The following OTULINL variants were observed in gnomAD, a reference collection of about 807,000 sequenced individuals.
The protein encoded by OTULINL is inactive ubiquitin thioesterase OTULINL.
In OTULINL, 42 loss-of-function variants were observed where a neutral mutation model predicts 43.9. That is an observed-to-expected ratio of 0.96 (90% CI 0.75 to 1.24). OTULINL has a LOEUF of 1.24. Among genes scored for constraint, OTULINL ranks in the 50% most tolerant of loss-of-function variants. The pLI is 0.00. For synonymous variants in OTULINL, 172 were observed against 153.6 expected (o/e 1.12, Z -0.88); for missense variants, 411 against 426.4 (o/e 0.96, Z 0.32).
chr5:14,591,453 G>A (rs553842568), intron 1 of OTULINL, among the ~76,000 whole-genome samples: 1 of 152,274 alleles, frequency 6.6e-6, no homozygotes, highest in African/African-American at 2.4e-5. Context: ...GCAGGCCCAA[G>A]GATTCCTTCT....
At position 14,613,003 on chromosome 5, in the gene OTULINL, A is replaced by C. The variant is rs1407416973; in HGVS notation, c.*2689A>C. ...AGTGGCACAATCTCGGCTCACTGCA[A>C]CCTCTACCTCCCAGGTTCAAGCGAT... On this transcript the variant is annotated 3_prime_UTR_variant, in exon 8 of 8. Transcript: ENST00000274217. Among the ~76,000 whole-genome samples the C allele has an allele frequency of 6.6e-6, 1 of 152,018 alleles. No homozygotes were observed. The highest frequency in any genetic ancestry group is 1.5e-5 in the Non-Finnish European group (1 of 68,006).
rs1410588971 is a variant in OTULINL, at chr5:14,615,626, A to G, written c.*5312A>G. ...TCTTGGTATCATTGTGGGTAAGTAGAACAAATATTTACATCTGTTATGAAA... is the reference window on the plus strand; with the variant it reads ...TCTTGGTATCATTGTGGGTAAGTAGGACAAATATTTACATCTGTTATGAAA... On this transcript the variant is annotated 3_prime_UTR_variant, in exon 8 of 8. Coordinates refer to ENST00000274217, the MANE Select transcript of OTULINL (RefSeq NM_019018.3). 6.6e-6 allele frequency among the ~76,000 whole-genome samples: 1 copy of G among 152,220 alleles called. No individual in the cohort carries two copies. The highest frequency in any genetic ancestry group is 2.4e-5 in the African/African-American group (1 of 41,456).
In OTULINL at chr5:14,610,518, C is replaced by T; in HGVS notation, c.*204C>T. ...TTCCTCTGAAGCAGCTGCACTGATA[C>T]ATTTGGGAGTTGGTGGCTTGACTTT... On this transcript the variant is annotated 3_prime_UTR_variant, in exon 8 of 8. Transcript: ENST00000274217. 4 of 514,566 alleles carry T rather than the reference C, an allele frequency of 7.8e-6. No homozygotes were observed. The South Asian group carries it at 9.2e-5, about 12-fold the overall frequency. 31.9% of individuals were successfully genotyped at this position (514,566 alleles called of 1,614,324 possible). A position where few individuals can be genotyped will look rare whatever the true frequency, so the allele number is the denominator to read the frequency against.
At chr5:14,591,931 T>C (rs1173788209) in intron 1 of OTULINL, among the ~76,000 whole-genome samples, 1 of 152,024 alleles carries the variant, frequency 6.6e-6, no homozygotes, top group Non-Finnish European at 1.5e-5. Flanking sequence ...CTTCCTGACA[T>C]GTGAAAATTA....
At chr5:14,583,695 T>G (rs1212768451) in intron 1 of OTULINL, among the ~76,000 whole-genome samples, 3 of 152,224 alleles carry the variant, frequency 2.0e-5, no homozygotes, top group Admixed American at 1.3e-4. Context: ...GGAAAACTTT[T>G]TTCTCCAAAA....
chr5:14,582,406 G>A (rs1255634698), intron 1 of OTULINL, among the ~76,000 whole-genome samples: 1 of 152,084 alleles, frequency 6.6e-6, no homozygotes, highest in Admixed American at 6.5e-5. Context: ...GACGGAGGGA[G>A]TTGCGTTTCG....
At chr5:14,594,918 C>T (rs1314334496) in intron 1 of OTULINL, among the ~76,000 whole-genome samples, 1 of 151,998 alleles carries the variant, frequency 6.6e-6, no homozygotes, top group Non-Finnish European at 1.5e-5. Context: ...TGAGTTCCTT[C>T]CTATTCCATC....
intron 5 of OTULINL, among the ~76,000 whole-genome samples, chr5:14,603,808 C>A (rs1050126662): frequency 6.6e-6 from 1 of 151,942 alleles, no homozygotes; most frequent in African/African-American, 2.4e-5. Context: ...TGATAAGTAA[C>A]CTGAGTTTTT....
rs1480499974 is a variant in OTULINL at position 14,613,288 on chromosome 5, C to T, written c.*2974C>T. On this transcript the variant is annotated 3_prime_UTR_variant, in exon 8 of 8. Transcript: ENST00000274217. ...TTGTTGTGCAACCCTCACCACCATC[C>T]ACCCTCAGAACTTTTTAAAATCTCC... Among the ~76,000 whole-genome samples the T allele has an allele frequency of 6.6e-6, 1 of 152,188 alleles. No homozygotes were observed. The highest frequency in any genetic ancestry group is 1.9e-4 in the East Asian group (1 of 5,194).
At chr5:14,601,882 G>C (rs1579924033) in intron 4 of OTULINL, among the ~76,000 whole-genome samples, 1 of 152,350 alleles carries the variant, frequency 6.6e-6, no homozygotes, top group Non-Finnish European at 1.5e-5. Flanking sequence ...AGGGTGGAGG[G>C]AGTACATATA....
rs558572881 is a variant in OTULINL, at chr5:14,582,572, G to T, written c.64+614G>T. Among the ~76,000 whole-genome samples the T allele has an allele frequency of 2.0e-4, 31 of 152,272 alleles. No individual in the cohort carries two copies. In the Middle Eastern group the frequency reaches 0.01, roughly 50 times the overall value. ...ACACTTTGGGAGGCCGAGGCTGGCG[G>T]ATCACGCGGTCAGGAGTTCGAGACC... On this transcript the variant is annotated intron_variant, in intron 1 of 7. Coordinates refer to ENST00000274217, the MANE Select transcript of OTULINL (RefSeq NM_019018.3).
At chr5:14,604,080 C>G (rs981929838) in intron 5 of OTULINL, among the ~76,000 whole-genome samples, 3 of 152,054 alleles carry the variant, frequency 2.0e-5, no homozygotes, top group African/African-American at 7.2e-5. Flanking sequence ...GCCTGTAATC[C>G]CAGCACTTTG....
intron 1 of OTULINL, among the ~76,000 whole-genome samples, chr5:14,585,365 C>T (rs1161932860): frequency 6.6e-6 from 1 of 152,056 alleles, no homozygotes; most frequent in Admixed American, 6.5e-5. Flanking sequence ...GTTTTGCCAC[C>T]CATTTGTCCT....
chr5:14,581,985 G>A, intron 1 of OTULINL, 27 bp downstream of exon 1: 2 of 1,255,364 alleles, frequency 1.6e-6, no homozygotes, highest in Non-Finnish European at 1.0e-6. Flanking sequence ...GCGGGGCGGG[G>A]CGGGGGGCGC....
At chr5:14,585,943 C>T (rs74543807) in intron 1 of OTULINL, among the ~76,000 whole-genome samples, 1,774 of 152,346 alleles carry the variant, frequency 0.012, 29 homozygotes, top group African/African-American at 0.041. Context: ...CATTTGTATA[C>T]TGTTGTTATT....
chr5:14,592,775 A>G (rs1759226709), intron 1 of OTULINL, among the ~76,000 whole-genome samples: 1 of 152,154 alleles, frequency 6.6e-6, no homozygotes, highest in African/African-American at 2.4e-5. Context: ...GTGGTTACAG[A>G]TCTGAACACC....
rs186139270 is a variant in OTULINL, at chr5:14,600,113, C to A, written c.65-852C>A. 7.0e-4 allele frequency among the ~76,000 whole-genome samples: 107 copies of A among 152,204 alleles called. 1 individual carries two copies. Among genetic ancestry groups the A allele is most frequent in the Admixed American group, 1.2e-3 (18 of 15,290 alleles). ...AATCCCCAAGTGTCATGGGAGGGAC[C>A]CAGTGGGAGGTAATTGAATCATGGG... is the stretch of plus-strand genomic sequence containing the variant. On this transcript the variant is annotated intron_variant, in intron 1 of 7. Transcript: ENST00000274217.
intron 1 of OTULINL, among the ~76,000 whole-genome samples, chr5:14,591,640 G>A (rs1759204303): frequency 6.6e-6 from 1 of 152,156 alleles, no homozygotes; most frequent in Non-Finnish European, 1.5e-5. Context: ...TGAAACCCCT[G>A]GCCCTCTCTT....
Position 14,615,889 on chromosome 5 carries a change from A to G in OTULINL, c.*5575A>G, listed in dbSNP as rs1237383298. On this transcript the variant is annotated 3_prime_UTR_variant, in exon 8 of 8. Coordinates refer to ENST00000274217, the MANE Select transcript of OTULINL (RefSeq NM_019018.3). ...GTCTTTACAAGCAAATTGAAACGAC[A>G]TGCTCTTCTTTGTACTATACAGAAG... 6.6e-6 allele frequency among the ~76,000 whole-genome samples: 1 copy of G among 152,246 alleles called. No homozygotes were observed. Among genetic ancestry groups the G allele is most frequent in the Non-Finnish European group, 1.5e-5 (1 of 68,044 alleles).
Sources: allele counts gnomAD v4.1 joint callset (sites outside exome capture counted in the v4.1 genomes callset), GRCh38; gene constraint gnomAD v4.1.1; transcripts MANE v1.5; gene names NCBI Gene and HGNC (gene_info 2026-07-23, HGNC 2026-07-21).